Variants in PARP8 observed in about 807,000 individuals in gnomAD.
PARP8 encodes poly(ADP-ribose) polymerase family member 8.
A neutral mutation model predicts 124.1 loss-of-function variants in PARP8; 51 were observed. That is an observed-to-expected ratio of 0.41 (90% CI 0.33 to 0.52). PARP8 has a LOEUF of 0.52. Ranked by LOEUF, PARP8 falls within the 20% of genes least tolerant of loss-of-function variation. PARP8 has a pLI of 0.21. For missense variants in PARP8, 860 were observed against 1,018.9 expected (o/e 0.84, Z 2.12); for synonymous variants, 391 against 361.5 (o/e 1.08, Z -0.93).
Position 50,754,116 on chromosome 5 carries a change from CATATATAT to C in PARP8, c.184+3956_184+3963del, listed in dbSNP as rs373375463. Reference sequence around the variant, plus strand: ...GAAGGAATTTGAGTTTGAAAACATTCATATATATATATATATATATATATATATATATA... The same window carrying C: ...GAAGGAATTTGAGTTTGAAAACATTCATATATATATATATATATATATATA... On this transcript the variant is annotated intron_variant, in intron 3 of 25. Transcript: ENST00000281631. 4.6e-3 allele frequency among the ~76,000 whole-genome samples: 298 copies of C among 64,712 alleles called. 10 individuals carry two copies. The highest frequency in any genetic ancestry group is 0.034 in the African/African-American group (246 of 7,338). 42.5% of individuals were successfully genotyped at this position (64,712 alleles called of 152,430 possible).
chr5:50,768,011 A>G (rs752341167), intron 7 of PARP8, among the ~76,000 whole-genome samples: 115 of 150,030 alleles, frequency 7.7e-4, no homozygotes, highest in Middle Eastern at 3.5e-3. Context: ...ATATACATAT[A>G]TGTGTGTGTG....
At chr5:50,810,033 A>G (rs1744263116) in intron 14 of PARP8, among the ~76,000 whole-genome samples, 1 of 152,036 alleles carries the variant, frequency 6.6e-6, no homozygotes, top group African/African-American at 2.4e-5. Flanking sequence ...TCACATTTAA[A>G]TTGCTTTGAT....
intron 7 of PARP8, among the ~76,000 whole-genome samples, chr5:50,771,227 T>C (rs1219968930): frequency 2.0e-5 from 3 of 152,082 alleles, no homozygotes; most frequent in African/African-American, 7.2e-5. Flanking sequence ...TGGCACGATC[T>C]TGGCTCACTG....
intron 22 of PARP8, among the ~76,000 whole-genome samples, chr5:50,830,842 GT>G (rs2149716364): frequency 6.6e-6 from 1 of 152,068 alleles, no homozygotes; most frequent in East Asian, 1.9e-4. Context: ...GTGTGTGTGT[GT>G]GTGTGATTAT....
At chr5:50,761,321 CAAAT>C (rs1169316582) in intron 5 of PARP8, among the ~76,000 whole-genome samples, 3 of 151,980 alleles carry the variant, frequency 2.0e-5, no homozygotes, top group East Asian at 1.9e-4. Context: ...AATTCTGAAA[CAAAT>C]AATTTCTGTA....
Position 50,794,288 on chromosome 5 carries a change from G to A in PARP8, c.819G>A (p.Glu273=). The change falls in exon 11 of 26, where the codon GAG becomes GAA. Residue 273 remains glutamate (E), a synonymous_variant. Transcript: ENST00000281631. ...SNCLHNKKLS[E]KKVKSPLHLF... ...GCCTGCACAATAAAAAGTTGTCAGAGAAGAAAGTGAAGTCTCCCCTGCATT... is the reference window on the plus strand; with the variant it reads ...GCCTGCACAATAAAAAGTTGTCAGAAAAGAAAGTGAAGTCTCCCCTGCATT... 1 of 1,613,614 alleles carries A rather than the reference G, an allele frequency of 6.2e-7. No individual in the cohort carries two copies. The highest frequency in any genetic ancestry group is 8.5e-7 in the Non-Finnish European group (1 of 1,179,716).
At chr5:50,700,705 T>G (rs540012802) in intron 2 of PARP8, among the ~76,000 whole-genome samples, 1 of 152,206 alleles carries the variant, frequency 6.6e-6, no homozygotes, top group East Asian at 1.9e-4. Context: ...CTATTGCTTA[T>G]ATTTAATAAC....
intron 2 of PARP8, among the ~76,000 whole-genome samples, chr5:50,735,206 A>T (rs1757359619): frequency 6.6e-6 from 1 of 152,092 alleles, no homozygotes; most frequent in South Asian, 2.1e-4. Flanking sequence ...GCCTACAAAT[A>T]TTGACATTTC....
At chr5:50,808,796 A>C (rs1744135359) in intron 14 of PARP8, among the ~76,000 whole-genome samples, 1 of 151,960 alleles carries the variant, frequency 6.6e-6, no homozygotes, top group Non-Finnish European at 1.5e-5. Context: ...ATTGATGAGA[A>C]ACTGAGCATG....
intron 23 of PARP8, chr5:50,833,330 A>G (rs1747194197): frequency 5.0e-6 from 2 of 403,662 alleles, no homozygotes; most frequent in Non-Finnish European, 9.8e-6. Flanking sequence ...AGACCTACAG[A>G]TGATGAGTGC....
At chr5:50,836,919 C>A (rs1747647727) in intron 25 of PARP8, among the ~76,000 whole-genome samples, 1 of 152,228 alleles carries the variant, frequency 6.6e-6, no homozygotes, top group East Asian at 1.9e-4. Flanking sequence ...CTAATCAGTT[C>A]ATCTACTCCT....
At chr5:50,815,658 A>AT (rs1332052021) in intron 15 of PARP8, 134 bp downstream of exon 15, 21 of 535,986 alleles carry the variant, frequency 3.9e-5, no homozygotes, top group Admixed American at 7.7e-5. Context: ...TTGGCATTTG[A>AT]TTTTTTTTAT....
chr5:50,700,834 T>C (rs1753517778), intron 2 of PARP8, among the ~76,000 whole-genome samples: 1 of 152,152 alleles, frequency 6.6e-6, no homozygotes, highest in East Asian at 1.9e-4. Context: ...CTTTTTTTAA[T>C]CTGGCAAAAG....
At chr5:50,809,400 C>G (rs915164118) in intron 14 of PARP8, among the ~76,000 whole-genome samples, 22 of 151,980 alleles carry the variant, frequency 1.4e-4, no homozygotes, top group African/African-American at 5.1e-4. Context: ...TAAGAAAAAT[C>G]ACGGCAATAG....
In PARP8 at chr5:50,685,889, C is replaced by T. The variant is rs1406055033; in HGVS notation, c.146+17764C>T. Among the ~76,000 whole-genome samples, 7 of 152,258 alleles carry T rather than the reference C, an allele frequency of 4.6e-5. No homozygotes were observed. The East Asian group carries it at 1.4e-3, about 29-fold the overall frequency. Reference sequence around the variant, plus strand: ...ACAAGAACAGCATGGGAAAGACCTGCCCCCATGATTCAATTACTTCCCACT... The same window carrying T: ...ACAAGAACAGCATGGGAAAGACCTGTCCCCATGATTCAATTACTTCCCACT... On this transcript the variant is annotated intron_variant, in intron 2 of 25. Coordinates refer to ENST00000281631, the MANE Select transcript of PARP8 (RefSeq NM_024615.4).
Position 50,796,991 on chromosome 5 carries a change from G to T in PARP8, c.1438G>T (p.Ala480Ser). The T allele has an allele frequency of 6.2e-7, 1 of 1,609,962 alleles. No individual in the cohort carries two copies. Among genetic ancestry groups the T allele is most frequent in the Non-Finnish European group, 8.5e-7 (1 of 1,178,212 alleles). ...ACTTTGCTTTTTATAGCCAAATGGT[G>T]CAAAATGCATTCCAGTACGAGACCG... ...SSSSQLAPNGAKCIPVRDRGF... is the reference protein window; with the variant it reads ...SSSSQLAPNGSKCIPVRDRGF... The change falls in exon 13 of 26, where the codon GCA becomes TCA. Residue 480 changes from alanine to serine, a missense_variant. Ala to Ser is a moderately conservative substitution (Grantham distance 99, BLOSUM62 1). This residue lies in a region of PARP8 where 343 missense variants were observed against 474.7 expected (regional missense o/e 0.72). Coordinates refer to ENST00000281631, the MANE Select transcript of PARP8 (RefSeq NM_024615.4).
intron 2 of PARP8, among the ~76,000 whole-genome samples, chr5:50,697,961 T>C (rs776355599): frequency 6.6e-6 from 1 of 152,236 alleles, no homozygotes; most frequent in Non-Finnish European, 1.5e-5. Context: ...CTTTGTATTC[T>C]TCAGGTTACA....
At chr5:50,805,675 T>C (rs961529479) in intron 14 of PARP8, among the ~76,000 whole-genome samples, 1 of 152,132 alleles carries the variant, frequency 6.6e-6, no homozygotes, top group Non-Finnish European at 1.5e-5. Flanking sequence ...TTATTAGACC[T>C]TTTTTGTATT....
At chr5:50,727,683 G>T (rs59260728) in intron 2 of PARP8, among the ~76,000 whole-genome samples, 9 of 152,004 alleles carry the variant, frequency 5.9e-5, no homozygotes, top group Non-Finnish European at 8.8e-5. Context: ...GAACTATAAG[G>T]CTGAAAAAGT....
Sources: gnomAD v4.1 joint callset for allele counts (sites outside exome capture counted in the v4.1 genomes callset) on GRCh38, gnomAD v4.1.1 for gene constraint, gnomAD v4.1.1 regional missense constraint, MANE v1.5 for transcripts, NCBI Gene and HGNC (gene_info 2026-07-23, HGNC 2026-07-21) for gene names.